The following THRA variants were observed in gnomAD, a reference collection of about 807,000 sequenced individuals.
The protein encoded by THRA is EAR-7.
Under a neutral mutation model 45.0 loss-of-function variants are expected in THRA, and 13 were observed. The observed-to-expected ratio is 0.29, with a 90% CI of 0.19 to 0.46. THRA has a LOEUF of 0.46. Ranked by LOEUF, THRA falls within the 20% of genes least tolerant of loss-of-function variation. The probability of loss-of-function intolerance (pLI) is 1.00; values close to 1 mark genes in which losing one functional copy is unlikely to be tolerated. For missense variants in THRA, 278 were observed against 556.1 expected (o/e 0.50, Z 5.03); for synonymous variants, 195 against 214.0 (o/e 0.91, Z 0.78).
intron 7 of THRA, among the ~76,000 whole-genome samples, chr17:40,087,580 G>T (rs1284424296): frequency 6.6e-6 from 1 of 152,160 alleles, no homozygotes; most frequent in Admixed American, 6.5e-5. Context: ...CATCCTTCAA[G>T]TCTATGCGGC....
chr17:40,088,307 G>T lies in THRA; in HGVS notation c.789G>T (p.Ala263=). 6.2e-7 allele frequency: 1 copy of T among 1,613,060 alleles called. No homozygotes were observed. The highest frequency in any genetic ancestry group is 8.5e-7 in the Non-Finnish European group (1 of 1,179,242). The change falls in exon 8 of 9, where the codon GCG becomes GCT. Residue 263 remains alanine (A), a synonymous_variant. Transcript: ENST00000450525. ...GCATGGAGATCATGTCCCTGCGGGC[G>T]GCTGTCCGCTACGACCCTGAGAGCG... is the stretch of plus-strand genomic sequence containing the variant. The part of the protein sequence containing the change: ...GCCMEIMSLR[A]AVRYDPESDT...
At chr17:40,085,220 G>A (rs1352399154) in intron 6 of THRA, among the ~76,000 whole-genome samples, 2 of 152,210 alleles carry the variant, frequency 1.3e-5, no homozygotes, top group African/African-American at 4.8e-5. Context: ...TTTGGGACCA[G>A]GTGCAGTGGC....
chr17:40,072,679 G>A lies in THRA; in HGVS notation c.-297-1513G>A, dbSNP rs966853387. Among the ~76,000 whole-genome samples, 8 of 152,062 alleles carry A rather than the reference G, an allele frequency of 5.3e-5. No individual in the cohort carries two copies. The East Asian group carries it at 5.8e-4, about 11-fold the overall frequency. On this transcript the variant is annotated intron_variant, in intron 1 of 8. Transcript: ENST00000450525. ...TATTGTCCAGCCCAACCCCCGTAGC[G>A]GCCCTCGCCCCCTGCCCCTCACTGT... is the stretch of plus-strand genomic sequence containing the variant.
At position 40,089,190 on chromosome 17, in the gene THRA, C is replaced by T; in HGVS notation, c.983-16C>T. Reference sequence around the variant, plus strand: ...TCGGCCAGCCCCTCGCCCCTCACGCCCCTCTTCCCTCACAGACCGCTCGGG... The same window carrying T: ...TCGGCCAGCCCCTCGCCCCTCACGCTCCTCTTCCCTCACAGACCGCTCGGG... On this transcript the variant is annotated splice_polypyrimidine_tract_variant and intron_variant, in intron 8 of 8. Transcript: ENST00000450525. The surrounding 1 kb of genome is among the most constrained non-coding windows in gnomAD (Gnocchi z 6.1). The T allele has an allele frequency of 1.9e-6, 3 of 1,612,680 alleles. No individual in the cohort carries two copies. The highest frequency in any genetic ancestry group is 2.5e-6 in the Non-Finnish European group (3 of 1,179,246).
At chr17:40,065,973 T>C (rs887135047) in intron 1 of THRA, among the ~76,000 whole-genome samples, 1 of 152,232 alleles carries the variant, frequency 6.6e-6, no homozygotes, top group Admixed American at 6.5e-5. Flanking sequence ...AGGACCCTGC[T>C]GAGTTGGGTC....
chr17:40,072,199 CCTGGGGGAGGGGA>C (rs1240319141), intron 1 of THRA: 1 of 152,334 alleles, frequency 6.6e-6, no homozygotes, highest in Non-Finnish European at 1.5e-5. Context: ...GTGGCAGGGG[CCTGGGGGAGGGGA>C]CCCTCAGGAG....
At chr17:40,070,549 CTGCCCATAGACGCCTG>C (rs1986738321) in intron 1 of THRA, among the ~76,000 whole-genome samples, 1 of 152,190 alleles carries the variant, frequency 6.6e-6, no homozygotes, top group East Asian at 1.9e-4. Context: ...GGGGGCAGTG[CTGCCCATAGACGCCTG>C]TGCCCATGCA....
At chr17:40,067,203 C>G (rs1423993791) in intron 1 of THRA, among the ~76,000 whole-genome samples, 1 of 152,166 alleles carries the variant, frequency 6.6e-6, no homozygotes, top group African/African-American at 2.4e-5. Context: ...CTCCTTTGAC[C>G]CTCGCCCTTC....
chr17:40,066,820 T>C (rs1364923300), intron 1 of THRA, among the ~76,000 whole-genome samples: 4 of 152,242 alleles, frequency 2.6e-5, no homozygotes, highest in African/African-American at 9.6e-5. Flanking sequence ...GCTCTGTCAC[T>C]TGCTGGATGT....
Position 40,086,588 on chromosome 17 carries a change from C to G in THRA, c.577-119C>G, listed in dbSNP as rs935029584. ...AAGGAAAAGCTTTGGGCCTGGGACT[C>G]AGGCACGGGCGGCCCCTCTTCCCCA... On this transcript the variant is annotated intron_variant, in intron 6 of 8. Transcript: ENST00000450525. The G allele has an allele frequency of 8.4e-6, 11 of 1,305,666 alleles. No homozygotes were observed. In the Admixed American group the frequency reaches 2.3e-4, roughly 28 times the overall value. 80.9% of individuals were successfully genotyped at this position (1,305,666 alleles called of 1,614,324 possible).
At chr17:40,078,576 A>C (rs1304526311) in intron 4 of THRA, among the ~76,000 whole-genome samples, 2 of 152,220 alleles carry the variant, frequency 1.3e-5, no homozygotes, top group Non-Finnish European at 2.9e-5. Context: ...GTGTATTCTT[A>C]GGTGTGAGAG....
At chr17:40,067,288 G>A (rs777427791) in intron 1 of THRA, among the ~76,000 whole-genome samples, 11 of 152,188 alleles carry the variant, frequency 7.2e-5, no homozygotes, top group Non-Finnish European at 1.6e-4. Flanking sequence ...AAATCTTTGG[G>A]CATCACTGCA....
Position 40,089,135 on chromosome 17 carries a change from C to T in THRA, c.983-71C>T. 6.6e-7 allele frequency: 1 copy of T among 1,503,762 alleles called. No homozygotes were observed. The highest frequency in any genetic ancestry group is 2.3e-5 in the East Asian group (1 of 44,146). 93.2% of individuals were successfully genotyped at this position (1,503,762 alleles called of 1,614,324 possible). On this transcript the variant is annotated intron_variant, in intron 8 of 8. Transcript: ENST00000450525. This position sits in a 1 kb window ranked among gnomAD's most constrained non-coding sequence, Gnocchi z 6.1. ...CCTCTAGTCCTTTCTTCCCACGTCC[C>T]CACACCTCACCCTCCCCATCTCCAG...
chr17:40,080,946 ACTC>A (rs1987116992), intron 4 of THRA, among the ~76,000 whole-genome samples: 1 of 148,970 alleles, frequency 6.7e-6, no homozygotes, highest in Admixed American at 6.7e-5. Context: ...TTGGTCTTGA[ACTC>A]CTGACCTCGT....
chr17:40,079,047 A>G (rs940130424), intron 4 of THRA, among the ~76,000 whole-genome samples: 7 of 152,068 alleles, frequency 4.6e-5, no homozygotes, highest in Admixed American at 2.0e-4. Context: ...GCTTCATCTT[A>G]ACCCTGCTCA....
chr17:40,090,528 T>C lies in THRA; in HGVS notation c.*1072T>C, dbSNP rs1987493335. 6.6e-6 allele frequency: 1 copy of C among 152,320 alleles called. No individual in the cohort carries two copies. Among genetic ancestry groups the C allele is most frequent in the Non-Finnish European group, 1.5e-5 (1 of 68,182 alleles). 9.4% of individuals were successfully genotyped at this position (152,320 alleles called of 1,614,324 possible). A position where few individuals can be genotyped will look rare whatever the true frequency, so the allele number is the denominator to read the frequency against. On this transcript the variant is annotated 3_prime_UTR_variant, in exon 9 of 9. Coordinates refer to ENST00000450525, the MANE Select transcript of THRA (RefSeq NM_199334.5). Reference sequence around the variant, plus strand: ...CTACCCTCCTTATATCCTGCAGTATTAGCTAGAAACCGGATGCTGCTGCAT... The same window carrying C: ...CTACCCTCCTTATATCCTGCAGTATCAGCTAGAAACCGGATGCTGCTGCAT...
rs780116368 is a variant in THRA at position 40,088,309 on chromosome 17, C to G, written c.791C>G (p.Ala264Gly). The change falls in exon 8 of 9, where the codon GCT (alanine) becomes GGT (glycine). Residue 264 changes from alanine (A) to glycine (G), a missense_variant. Physicochemically the swap from Ala to Gly is moderately conservative, Grantham distance 60. This residue lies in a region of THRA where 33 missense variants were observed against 133.2 expected (regional missense o/e 0.25). Transcript: ENST00000450525. Reference sequence around the variant, plus strand: ...ATGGAGATCATGTCCCTGCGGGCGGCTGTCCGCTACGACCCTGAGAGCGAC... The same window carrying G: ...ATGGAGATCATGTCCCTGCGGGCGGGTGTCCGCTACGACCCTGAGAGCGAC... ...CCMEIMSLRA[A>G]VRYDPESDTL... 6.2e-7 allele frequency: 1 copy of G among 1,613,064 alleles called. No homozygotes were observed. Among genetic ancestry groups the G allele is most frequent in the Non-Finnish European group, 8.5e-7 (1 of 1,179,234 alleles).
At chr17:40,083,776 T>C in intron 4 of THRA, 59 bp from the exon 5 acceptor site, 1 of 1,527,286 alleles carries the variant, frequency 6.5e-7, no homozygotes, top group East Asian at 2.4e-5. Flanking sequence ...ACTGCATGGT[T>C]GGTTCAGGAA....
Position 40,074,286 on chromosome 17 carries a change from C to T in THRA, c.-203C>T. The T allele has an allele frequency of 1.7e-6, 1 of 598,586 alleles. No individual in the cohort carries two copies. Among genetic ancestry groups the T allele is most frequent in the South Asian group, 1.9e-5 (1 of 52,522 alleles). The allele number at this position is 598,586 out of a possible 1,614,324, so 37.1% of individuals were successfully genotyped here. A position where few individuals can be genotyped will look rare whatever the true frequency, so the allele number is the denominator to read the frequency against. On this transcript the variant is annotated 5_prime_UTR_variant, in exon 2 of 9. Transcript: ENST00000450525. ...TTGCCCCCAGCCCTCCCACCTGCCA[C>T]TCCCTGGCCCCTCCCACCGCCCGCC... is the stretch of plus-strand genomic sequence containing the variant.
Sources: gnomAD v4.1 joint callset for allele counts (sites outside exome capture counted in the v4.1 genomes callset) on GRCh38, gnomAD v4.1.1 for gene constraint, gnomAD v4.1.1 regional missense constraint, Gnocchi (gnomAD v3.1) non-coding constraint, MANE v1.5 for transcripts, NCBI Gene and HGNC (gene_info 2026-07-23, HGNC 2026-07-21) for gene names.